CEP89: variants seen among roughly 807,000 people sequenced by gnomAD.
The protein encoded by CEP89 is centrosomal protein 89, also known as centrosomal protein of 89 kDa.
A neutral mutation model predicts 97.6 loss-of-function variants in CEP89; 95 were observed. The ratio of observed to expected loss-of-function variants is 0.97; its 90% confidence interval spans 0.82 to 1.15. The LOEUF (loss-of-function observed/expected upper bound fraction) is 1.15, where lower values mean the gene tolerates loss of function less well. Ranked by LOEUF, CEP89 falls within the 50% of genes most tolerant of loss-of-function variation. The pLI is 0.00. For synonymous variants in CEP89, 354 were observed against 349.1 expected (o/e 1.01, Z -0.16); for missense variants, 869 against 947.7 (o/e 0.92, Z 1.09).
intron 3 of CEP89, among the ~76,000 whole-genome samples, chr19:32,955,118 G>A (rs1443404188): frequency 2.0e-5 from 3 of 151,950 alleles, no homozygotes; most frequent in Admixed American, 1.3e-4. Flanking sequence ...CCGAGTAGCT[G>A]GGACTAGAGA....
At chr19:32,971,524 G>A in intron 1 of CEP89, 2 of 556,616 alleles carry the variant, frequency 3.6e-6, no homozygotes, top group Non-Finnish European at 3.2e-6. Flanking sequence ...GGGAGTAGTG[G>A]CGCGCGCCTG....
chr19:32,927,123 CCCACCTACCCAT>C, intron 9 of CEP89, 139 bp from the exon 10 acceptor site: 1 of 672,710 alleles, frequency 1.5e-6, no homozygotes. Flanking sequence ...CACCCACCTA[CCCACCTACCCAT>C]CCATCCATCC....
chr19:32,911,794 T>C (rs6510305), intron 14 of CEP89, among the ~76,000 whole-genome samples: 137,442 of 152,254 alleles, frequency 0.9, 62,218 homozygotes, highest in African/African-American at 0.98. Flanking sequence ...CCCACACCAA[T>C]GCTATGGAGG....
rs776318262 is a variant in CEP89 at position 32,901,326 on chromosome 19, CTCT to C, written c.1649_1651del (p.Lys550del). The stretch of plus-strand genomic sequence containing the variant: ...CAAACTGTTCTTCTCTAACAGCAGG[CTCT>C]TCTTCTGCGCTTGCAGGACTGTCAG... On this transcript the variant is annotated inframe_deletion, in exon 15 of 19. Coordinates refer to ENST00000305768, the MANE Select transcript of CEP89 (RefSeq NM_032816.5). 6 of 1,614,082 alleles carry C rather than the reference CTCT, an allele frequency of 3.7e-6. No homozygotes were observed. The highest frequency in any genetic ancestry group is 1.3e-5 in the African/African-American group (1 of 74,930).
rs544360855 is a variant in CEP89 at position 32,944,540 on chromosome 19, T to C, written c.595+3726A>G. Among the ~76,000 whole-genome samples the C allele has an allele frequency of 1.1e-4, 17 of 152,258 alleles. No homozygotes were observed. The East Asian group carries it at 3.1e-3, about 28-fold the overall frequency. On this transcript the variant is annotated intron_variant, in intron 5 of 18. Transcript: ENST00000305768. Reference sequence around the variant, plus strand: ...GTGCACTTAACTACATGAAGGTCTCTGGTCCAGTGGTGCGATGGGGAGGGA... The same window carrying C: ...GTGCACTTAACTACATGAAGGTCTCCGGTCCAGTGGTGCGATGGGGAGGGA...
At chr19:32,941,662 C>T (rs986202820) in intron 5 of CEP89, among the ~76,000 whole-genome samples, 21 of 151,408 alleles carry the variant, frequency 1.4e-4, no homozygotes, top group African/African-American at 2.9e-4. Flanking sequence ...TGCTCTCCTG[C>T]GTTGGACACC....
chr19:32,953,867 C>CTTTTT lies in CEP89; in HGVS notation c.306-71_306-67dup, dbSNP rs11339044. On this transcript the variant is annotated intron_variant, in intron 3 of 18. Coordinates refer to ENST00000305768, the MANE Select transcript of CEP89 (RefSeq NM_032816.5). ...CTTAACACTTGACACTGATAAATAT[C>CTTTTT]TTTTTTTTTTTTTTTTTTTGAGGTA... The CTTTTT allele has an allele frequency of 6.4e-4, 387 of 608,452 alleles. 1 individual carries two copies. Among genetic ancestry groups the CTTTTT allele is most frequent in the Non-Finnish European group, 8.0e-4 (309 of 385,562 alleles). 37.7% of individuals were successfully genotyped at this position (608,452 alleles called of 1,614,324 possible). A position where few individuals can be genotyped will look rare whatever the true frequency, so the allele number is the denominator to read the frequency against.
chr19:32,901,536 T>A, intron 14 of CEP89, 124 bp from the exon 15 acceptor site: 1 of 946,048 alleles, frequency 1.1e-6, no homozygotes, highest in Non-Finnish European at 1.6e-6. Flanking sequence ...TCACTTGGAA[T>A]GCCTCTGTGG....
intron 17 of CEP89, among the ~76,000 whole-genome samples, chr19:32,885,654 G>A (rs1211542778): frequency 6.6e-6 from 1 of 152,162 alleles, no homozygotes; most frequent in Non-Finnish European, 1.5e-5. Flanking sequence ...ATGTCTTGGT[G>A]TCAATTTTCT....
chr19:32,970,514 T>C (rs1395473344), intron 1 of CEP89: 1 of 152,110 alleles, frequency 6.6e-6, no homozygotes, highest in African/African-American at 2.4e-5. Flanking sequence ...TATGTTTTTT[T>C]GAGGCAGAGT....
intron 4 of CEP89, among the ~76,000 whole-genome samples, chr19:32,951,563 A>ACACACG (rs1322469845): frequency 5.0e-4 from 75 of 150,770 alleles, no homozygotes; most frequent in African/African-American, 1.4e-3. Context: ...ACACACACAC[A>ACACACG]CACGCACACT....
At chr19:32,882,060 G>A in intron 17 of CEP89, 47 bp from the exon 18 acceptor site, 1 of 1,514,552 alleles carries the variant, frequency 6.6e-7, no homozygotes. Context: ...TGCCAGGCCA[G>A]GGTGGACAGT....
chr19:32,883,879 T>C (rs936610437), intron 17 of CEP89, among the ~76,000 whole-genome samples: 2 of 152,180 alleles, frequency 1.3e-5, no homozygotes, highest in Non-Finnish European at 2.9e-5. Flanking sequence ...GGATTATAGC[T>C]CCTATTACCA....
intron 9 of CEP89, among the ~76,000 whole-genome samples, chr19:32,930,506 T>G (rs1423083453): frequency 2.0e-5 from 3 of 151,584 alleles, no homozygotes; most frequent in Non-Finnish European, 4.4e-5. Flanking sequence ...AAGCCCTCCT[T>G]CAAAAAGCAA....
chr19:32,890,716 AGCC>A (rs1969496804), intron 16 of CEP89, among the ~76,000 whole-genome samples: 1 of 152,058 alleles, frequency 6.6e-6, no homozygotes, highest in African/African-American at 2.4e-5. Flanking sequence ...CTGTGATCCC[AGCC>A]CCAGGGGAGC....
chr19:32,886,303 A>G (rs1007826873), intron 17 of CEP89, among the ~76,000 whole-genome samples: 1 of 152,132 alleles, frequency 6.6e-6, no homozygotes, highest in African/African-American at 2.4e-5. Context: ...CTGGAATGAG[A>G]GGAGGTTCCT....
At chr19:32,910,426 G>A (rs1008192072) in intron 14 of CEP89, among the ~76,000 whole-genome samples, 1 of 152,174 alleles carries the variant, frequency 6.6e-6, no homozygotes, top group African/African-American at 2.4e-5. Flanking sequence ...GTGGGTGCAT[G>A]TGAGGGCCTA....
chr19:32,879,860 A>G (rs1289951558), intron 18 of CEP89, among the ~76,000 whole-genome samples: 1 of 152,210 alleles, frequency 6.6e-6, no homozygotes, highest in Non-Finnish European at 1.5e-5. Flanking sequence ...GCCAGCACTC[A>G]GTGACCTTCC....
Position 32,887,762 on chromosome 19 carries a change from T to C in CEP89, c.1955A>G (p.Glu652Gly). 6.2e-7 allele frequency: 1 copy of C among 1,607,650 alleles called. No individual in the cohort carries two copies. The highest frequency in any genetic ancestry group is 8.5e-7 in the Non-Finnish European group (1 of 1,174,034). The change falls in exon 17 of 19, where the codon GAA becomes GGA. Residue 652 changes from glutamate (E) to glycine (G), a missense_variant. By Grantham distance (98) the Glu-to-Gly change is moderately conservative. Coordinates refer to ENST00000305768, the MANE Select transcript of CEP89 (RefSeq NM_032816.5). ...KSNIRLGKLE[E>G]KVKGYKKQAA... ...CAAATAACCACTTACCTTGACTTTTTCCTCTAACTTTCCCAGGCGAATGTT... is the reference window on the plus strand; with the variant it reads ...CAAATAACCACTTACCTTGACTTTTCCCTCTAACTTTCCCAGGCGAATGTT...
Sources: allele counts gnomAD v4.1 joint callset (sites outside exome capture counted in the v4.1 genomes callset), GRCh38; gene constraint gnomAD v4.1.1; transcripts MANE v1.5; gene names NCBI Gene and HGNC (gene_info 2026-07-23, HGNC 2026-07-21).